The following SNX31 variants were observed in gnomAD, a reference collection of about 807,000 sequenced individuals.
SNX31 encodes the protein sorting nexin-31.
In SNX31, 58 loss-of-function variants were observed where a neutral mutation model predicts 65.4. The observed-to-expected ratio is 0.89, with a 90% CI of 0.72 to 1.10. SNX31 has a LOEUF of 1.10. SNX31 is among the 50% of genes least tolerant of loss of function. The probability of loss-of-function intolerance (pLI) is 0.00; values close to 1 mark genes in which losing one functional copy is unlikely to be tolerated. For synonymous variants in SNX31, 181 were observed against 190.1 expected, an observed-to-expected ratio of 0.95 and a Z score of 0.39; for missense variants, 523 against 529.7, an observed-to-expected ratio of 0.99 and a Z score of 0.12.
rs938485423 is a variant in SNX31, at chr8:100,588,940, TGA to T, written c.1016_1017del (p.Leu339GlnfsTer12). On this transcript the variant is annotated frameshift_variant, in exon 11 of 14. Transcript: ENST00000311812. LOFTEE classifies it high-confidence loss of function. The surrounding 1 kb of genome is among the most constrained non-coding windows in gnomAD (Gnocchi z 4.8). ...TGAAATCTGAGCTCTAAGTTCTGGTTGAGAGTTCTCTGGGGCCCATCCGTATC... is the reference window on the plus strand; with the variant it reads ...TGAAATCTGAGCTCTAAGTTCTGGTTGAGTTCTCTGGGGCCCATCCGTATC... ...LLDTDGPQRT[L>X]NQNLELRFQY... is the part of the protein sequence containing the mutation. 1.9e-6 allele frequency: 3 copies of T among 1,613,958 alleles called. No individual in the cohort carries two copies. In the African/African-American group the frequency reaches 4.0e-5, roughly 22 times the overall value.
intron 5 of SNX31, among the ~76,000 whole-genome samples, chr8:100,616,155 T>C (rs1817181935): frequency 6.6e-6 from 1 of 152,166 alleles, no homozygotes; most frequent in Non-Finnish European, 1.5e-5. Flanking sequence ...TGCAGTCCAA[T>C]GTTGACCGAA....
chr8:100,652,179 C>T (rs1013665038), upstream of SNX31, among the ~76,000 whole-genome samples: 1 of 152,074 alleles, frequency 6.6e-6, no homozygotes, highest in Admixed American at 6.5e-5. Context: ...GGGGTTTCAC[C>T]GTGTTAGCCA....
intron 13 of SNX31, among the ~76,000 whole-genome samples, chr8:100,574,989 C>G (rs557003031): frequency 6.6e-6 from 1 of 151,924 alleles, no homozygotes; most frequent in Middle Eastern, 3.2e-3. Flanking sequence ...TTAGGGTTAC[C>G]GCAAATCTTT....
At position 100,608,545 on chromosome 8, in the gene SNX31, G is replaced by A. The variant is rs545919437; in HGVS notation, c.630C>T (p.Leu210=). ...GLRKWYMAPS[L]DSVLMDCRVA... ...CCCTGCAGTCCATCAGCACGGAGTC[G>A]AGGGATGGAGCCATATACCTGCAAA... Residue 210 remains leucine, a synonymous_variant, in exon 8 of 14, where the codon CTC becomes CTT. Coordinates refer to ENST00000311812, the MANE Select transcript of SNX31 (RefSeq NM_152628.4). The A allele has an allele frequency of 1.4e-4, 230 of 1,613,966 alleles. 2 individuals carry two copies. The highest frequency in any genetic ancestry group is 8.7e-4 in the South Asian group (79 of 91,070).
In SNX31 at chr8:100,609,073, G is replaced by A. The variant is rs1324248045; in HGVS notation, c.612-510C>T. Among the ~76,000 whole-genome samples the A allele has an allele frequency of 1.3e-5, 2 of 152,134 alleles. No homozygotes were observed. The highest frequency in any genetic ancestry group is 2.4e-5 in the African/African-American group (1 of 41,424). On this transcript the variant is annotated intron_variant, in intron 7 of 13. Coordinates refer to ENST00000311812, the MANE Select transcript of SNX31 (RefSeq NM_152628.4). This position sits in a 1 kb window ranked among gnomAD's most constrained non-coding sequence, Gnocchi z 4.9. ...GTGGTCTTTCCTGTGAAACTTTTCA[G>A]ACTCTCATTGTTCCTGGAGTTAGAT...
At chr8:100,643,349 C>G (rs7831667) in intron 2 of SNX31, among the ~76,000 whole-genome samples, 73,118 of 151,950 alleles carry the variant, frequency 0.48, 17,906 homozygotes, top group African/African-American at 0.56. Flanking sequence ...ATTCACACCC[C>G]CCTATACCTA....
In SNX31 at chr8:100,604,176, A is replaced by C. The variant is rs1265158197; in HGVS notation, c.682-3735T>G. Among the ~76,000 whole-genome samples, 1 of 152,216 alleles carries C rather than the reference A, an allele frequency of 6.6e-6. No individual in the cohort carries two copies. The highest frequency in any genetic ancestry group is 1.5e-5 in the Non-Finnish European group (1 of 68,030). ...AGTCTAGACAAGTCTACTCAGTTAC[A>C]CGGTTCCCTGAACACTGGCTGAGAG... On this transcript the variant is annotated intron_variant, in intron 8 of 13. Coordinates refer to ENST00000311812, the MANE Select transcript of SNX31 (RefSeq NM_152628.4). The surrounding 1 kb of genome is among the most constrained non-coding windows in gnomAD (Gnocchi z 4.3).
rs953074562 is a variant in SNX31, at chr8:100,622,898, G to A, written c.322-5168C>T. ...TCAGTAAAGAACCTGCACATCAAGG[G>A]AGGTAAGAGGTTAAAGCGCCACCCA... On this transcript the variant is annotated intron_variant, in intron 4 of 13. Transcript: ENST00000311812. This position sits in a 1 kb window ranked among gnomAD's most constrained non-coding sequence, Gnocchi z 5.0. Among the ~76,000 whole-genome samples, 1 of 152,134 alleles carries A rather than the reference G, an allele frequency of 6.6e-6. No individual in the cohort carries two copies. Among genetic ancestry groups the A allele is most frequent in the African/African-American group, 2.4e-5 (1 of 41,418 alleles).
At chr8:100,650,860 T>TG (rs1554590095), upstream of SNX31, among the ~76,000 whole-genome samples, 29 of 150,818 alleles carry the variant, frequency 1.9e-4, no homozygotes, top group East Asian at 5.8e-4. Flanking sequence ...GTTTTTTTTT[T>TG]TTTTGTTTTG....
At position 100,626,585 on chromosome 8, in the gene SNX31, A is replaced by C. The variant is rs979552135; in HGVS notation, c.321+3742T>G. Among the ~76,000 whole-genome samples the C allele has an allele frequency of 6.6e-6, 1 of 152,194 alleles. No individual in the cohort carries two copies. Among genetic ancestry groups the C allele is most frequent in the Non-Finnish European group, 1.5e-5 (1 of 68,040 alleles). On this transcript the variant is annotated intron_variant, in intron 4 of 13. Transcript: ENST00000311812. This position sits in a 1 kb window ranked among gnomAD's most constrained non-coding sequence, Gnocchi z 4.4. Reference sequence around the variant, plus strand: ...AAATACAACAGATTCGATGAATTCAACTCAGGCCCCCTCCCCAGTACTATG... The same window carrying C: ...AAATACAACAGATTCGATGAATTCACCTCAGGCCCCCTCCCCAGTACTATG...
intron 1 of SNX31, among the ~76,000 whole-genome samples, chr8:100,659,216 G>A (rs62513902): frequency 5.9e-5 from 9 of 151,886 alleles, no homozygotes; most frequent in Non-Finnish European, 1.2e-4. Flanking sequence ...CCTGGTGGTG[G>A]GCACCTGTAA....
upstream of SNX31, among the ~76,000 whole-genome samples, chr8:100,652,966 C>A (rs1820000456): frequency 6.6e-6 from 1 of 152,182 alleles, no homozygotes; most frequent in South Asian, 2.1e-4. Flanking sequence ...GGGTCTTGAG[C>A]AAACATGGAA....
In SNX31 at chr8:100,588,622, T is replaced by C. The variant is rs1040022338; in HGVS notation, c.1092+244A>G. 6.6e-6 allele frequency among the ~76,000 whole-genome samples: 1 copy of C among 152,262 alleles called. No individual in the cohort carries two copies. Among genetic ancestry groups the C allele is most frequent in the East Asian group, 1.9e-4 (1 of 5,208 alleles). The stretch of plus-strand genomic sequence containing the variant: ...TCTATGGACTCCTGGTCTAAGCCAC[T>C]GTTGGTTGAATCTTCTATTAATTGG... On this transcript the variant is annotated intron_variant, in intron 11 of 13. Transcript: ENST00000311812. The surrounding 1 kb of genome is among the most constrained non-coding windows in gnomAD (Gnocchi z 4.8).
At chr8:100,662,048 C>T (rs193112619) in intron 1 of SNX31, among the ~76,000 whole-genome samples, 1 of 152,328 alleles carries the variant, frequency 6.6e-6, no homozygotes, top group African/African-American at 2.4e-5. Flanking sequence ...TGGTCTTGAA[C>T]TCCTGGCCTC....
chr8:100,587,886 T>C (rs1246392672), intron 11 of SNX31, among the ~76,000 whole-genome samples: 1 of 152,204 alleles, frequency 6.6e-6, no homozygotes, highest in Non-Finnish European at 1.5e-5. Flanking sequence ...GAGAAATGCA[T>C]CATTAGGCAA....
intron 12 of SNX31, among the ~76,000 whole-genome samples, chr8:100,579,160 T>C (rs552304150): frequency 5.3e-5 from 8 of 152,302 alleles, no homozygotes; most frequent in Admixed American, 5.2e-4. Context: ...AGCCATGAAA[T>C]ACAGAGCTTG....
At position 100,573,947 on chromosome 8, in the gene SNX31, G is replaced by T; in HGVS notation, c.1241C>A (p.Ser414Tyr). 6.4e-7 allele frequency: 1 copy of T among 1,569,140 alleles called. No individual in the cohort carries two copies. Among genetic ancestry groups the T allele is most frequent in the Non-Finnish European group, 8.7e-7 (1 of 1,155,264 alleles). ...CTTGCTTTTTCTTGATAGAAAACTA[G>T]AATAGTCTTTCTGCTGTGAAGTAAA... ...HIQQSQQKDY[S>Y]SFLSRKSKIK... Residue 414 changes from serine (S) to tyrosine (Y), a missense_variant, in exon 14 of 14, where the codon TCT becomes TAT. Transcript: ENST00000311812.
chr8:100,617,487 T>C (rs189722911), intron 5 of SNX31, 133 bp downstream of exon 5: 1,342 of 591,358 alleles, frequency 2.3e-3, no homozygotes, highest in Non-Finnish European at 3.6e-3. Flanking sequence ...TGCCAGTACC[T>C]CTGCAGATAA....
In SNX31 at chr8:100,596,630, G is replaced by T. The variant is rs1204817168; in HGVS notation, c.978+9C>A. On this transcript the variant is annotated intron_variant, in intron 10 of 13. Transcript: ENST00000311812. Reference sequence around the variant, plus strand: ...AGTCATGGGCAAAGCAAGGTGCCAAGATACTCACAAGGAAAGTGACCTGCC... The same window carrying T: ...AGTCATGGGCAAAGCAAGGTGCCAATATACTCACAAGGAAAGTGACCTGCC... 2 of 1,612,954 alleles carry T rather than the reference G, an allele frequency of 1.2e-6. 1 individual carries two copies. The highest frequency in any genetic ancestry group is 1.7e-6 in the Non-Finnish European group (2 of 1,178,946).
Sources: gnomAD v4.1 joint callset for allele counts (sites outside exome capture counted in the v4.1 genomes callset) on GRCh38, gnomAD v4.1.1 for gene constraint, Gnocchi (gnomAD v3.1) non-coding constraint, MANE v1.5 for transcripts, NCBI Gene and HGNC (gene_info 2026-07-23, HGNC 2026-07-21) for gene names.